CWC27: variants seen among roughly 807,000 people sequenced by gnomAD.
The protein encoded by CWC27 is spliceosome-associated protein CWC27 homolog.
CWC27 carries 47 observed loss-of-function variants against 63.6 expected under a neutral mutation model. The observed-to-expected ratio is 0.74, with a 90% confidence interval of 0.58 to 0.94. The LOEUF is 0.94. Among genes scored for constraint, CWC27 ranks in the 40% least tolerant of loss-of-function variants. CWC27 has a pLI of 0.00. For synonymous variants in CWC27, 175 were observed against 179.8 expected (o/e 0.97, Z 0.22); for missense variants, 495 against 554.3 (o/e 0.89, Z 1.07).
rs574334169 is a variant in CWC27 at position 64,789,391 on chromosome 5, A to G, written c.669+371A>G. Among the ~76,000 whole-genome samples the G allele has an allele frequency of 2.6e-5, 4 of 152,084 alleles. No homozygotes were observed. In the East Asian group the frequency reaches 7.7e-4, roughly 29 times the overall value. Reference sequence around the variant, plus strand: ...AAACTCTTATATTCATTTTAATGTTATTTATATATATTTTGTTTATTTCAT... The same window carrying G: ...AAACTCTTATATTCATTTTAATGTTGTTTATATATATTTTGTTTATTTCAT... On this transcript the variant is annotated intron_variant, in intron 7 of 13. Coordinates refer to ENST00000381070, the MANE Select transcript of CWC27 (RefSeq NM_005869.4).
intron 11 of CWC27, among the ~76,000 whole-genome samples, chr5:64,969,758 A>G (rs544523114): frequency 1.3e-5 from 2 of 152,026 alleles, no homozygotes; most frequent in African/African-American, 2.4e-5. Flanking sequence ...AAGTGTGATA[A>G]GTGCTAAAGG....
chr5:64,891,703 C>G (rs1580707344), intron 11 of CWC27, among the ~76,000 whole-genome samples: 2 of 152,068 alleles, frequency 1.3e-5, no homozygotes, highest in Admixed American at 1.3e-4. Context: ...AAATTCTAAC[C>G]AATTCACATA....
chr5:64,859,961 G>A (rs1746357804), intron 10 of CWC27, among the ~76,000 whole-genome samples: 1 of 152,096 alleles, frequency 6.6e-6, no homozygotes, highest in Admixed American at 6.6e-5. Flanking sequence ...AGTAACAAGT[G>A]TTTATTTGGC....
chr5:64,839,096 C>G (rs1397724317), intron 10 of CWC27, among the ~76,000 whole-genome samples: 1 of 152,176 alleles, frequency 6.6e-6, no homozygotes, highest in East Asian at 1.9e-4. Context: ...TTCCTAACTT[C>G]TGTCTGGCAT....
chr5:64,865,484 G>C (rs997078984), intron 10 of CWC27, among the ~76,000 whole-genome samples: 3 of 152,036 alleles, frequency 2.0e-5, no homozygotes, highest in Non-Finnish European at 4.4e-5. Context: ...ACATAATTTT[G>C]CCTAATTTAT....
At chr5:64,969,856 G>A (rs1749086053) in intron 11 of CWC27, among the ~76,000 whole-genome samples, 2 of 152,270 alleles carry the variant, frequency 1.3e-5, no homozygotes, top group Non-Finnish European at 2.9e-5. Flanking sequence ...ACCAAGCTGA[G>A]ACCTAAAGGA....
At chr5:64,967,941 T>C (rs1028074611) in intron 11 of CWC27, among the ~76,000 whole-genome samples, 2 of 152,034 alleles carry the variant, frequency 1.3e-5, no homozygotes, top group Non-Finnish European at 2.9e-5. Context: ...TTTTAACTTT[T>C]GCTCTTTGAA....
intron 10 of CWC27, among the ~76,000 whole-genome samples, chr5:64,819,686 C>T (rs1469828638): frequency 2.6e-5 from 4 of 152,166 alleles, no homozygotes; most frequent in African/African-American, 9.7e-5. Context: ...AGTTAAACCT[C>T]TTTCCTTTAT....
rs139462746 is a variant in CWC27, at chr5:64,988,657, G to T, written c.1256+11419G>T. Among the ~76,000 whole-genome samples, 41 of 147,358 alleles carry T rather than the reference G, an allele frequency of 2.8e-4. No homozygotes were observed. The East Asian group carries it at 7.9e-3, about 29-fold the overall frequency. ...TTACTCTTGTTGCCCAGGCTGTAGT[G>T]CAATGGTGCAATCTTGGCTCACTGC... is the stretch of plus-strand genomic sequence containing the variant. On this transcript the variant is annotated intron_variant, in intron 13 of 13. Coordinates refer to ENST00000381070, the MANE Select transcript of CWC27 (RefSeq NM_005869.4).
At chr5:64,934,877 G>C (rs1748313456) in intron 11 of CWC27, among the ~76,000 whole-genome samples, 2 of 152,078 alleles carry the variant, frequency 1.3e-5, no homozygotes, top group Admixed American at 6.5e-5. Flanking sequence ...TTTTTCATAT[G>C]TTTGTTGTCT....
At chr5:64,816,575 T>C (rs1745039088) in intron 10 of CWC27, among the ~76,000 whole-genome samples, 1 of 152,064 alleles carries the variant, frequency 6.6e-6, no homozygotes, top group African/African-American at 2.4e-5. Context: ...CTAAGGACGG[T>C]AGAATAGAGA....
intron 4 of CWC27, among the ~76,000 whole-genome samples, chr5:64,785,078 T>A (rs1743834419): frequency 6.6e-6 from 1 of 152,200 alleles, no homozygotes; most frequent in Non-Finnish European, 1.5e-5. Flanking sequence ...GTTCCTACTT[T>A]TAGGTTGTTT....
At chr5:64,859,510 A>T (rs1277910831) in intron 10 of CWC27, among the ~76,000 whole-genome samples, 1 of 152,198 alleles carries the variant, frequency 6.6e-6, no homozygotes, top group African/African-American at 2.4e-5. Flanking sequence ...GAGAAGAAGA[A>T]ACACTTCTAA....
intron 10 of CWC27, among the ~76,000 whole-genome samples, chr5:64,806,591 C>T (rs1459717473): frequency 6.6e-6 from 1 of 152,114 alleles, no homozygotes; most frequent in African/African-American, 2.4e-5. Flanking sequence ...GGAGAAAGTA[C>T]AGAATTTCAA....
At chr5:64,974,049 G>T (rs993582432) in intron 12 of CWC27, among the ~76,000 whole-genome samples, 11 of 150,920 alleles carry the variant, frequency 7.3e-5, no homozygotes, top group Non-Finnish European at 1.5e-4. Context: ...AGCCTAGGCA[G>T]CCTAGGGAGA....
At chr5:64,854,956 G>T (rs896555924) in intron 10 of CWC27, among the ~76,000 whole-genome samples, 19 of 151,412 alleles carry the variant, frequency 1.3e-4, no homozygotes, top group Non-Finnish European at 2.2e-4. Context: ...AAGATTTATC[G>T]TCAAAAAAAA....
chr5:64,919,850 T>C (rs1405485721), intron 11 of CWC27, among the ~76,000 whole-genome samples: 1 of 152,218 alleles, frequency 6.6e-6, no homozygotes, highest in African/African-American at 2.4e-5. Flanking sequence ...TACTGATTTT[T>C]GTGTGTTTGT....
At chr5:64,858,463 A>AAATAATAATAAT (rs199882585) in intron 10 of CWC27, among the ~76,000 whole-genome samples, 1,829 of 146,568 alleles carry the variant, frequency 0.012, 34 homozygotes, top group African/African-American at 0.042. Context: ...CTCCATCTCA[A>AAATAATAATAAT]AATAATAATA....
chr5:64,808,240 C>T (rs1374206144), intron 10 of CWC27: 6 of 999,304 alleles, frequency 6.0e-6, no homozygotes, highest in African/African-American at 1.7e-5. Context: ...GAGAAGCAGT[C>T]CTGTAGAATA....
Sources: allele counts gnomAD v4.1 joint callset (sites outside exome capture counted in the v4.1 genomes callset), GRCh38; gene constraint gnomAD v4.1.1; transcripts MANE v1.5; gene names NCBI Gene and HGNC (gene_info 2026-07-23, HGNC 2026-07-21).